Variants in ST6GALNAC5 observed in about 807,000 individuals in gnomAD.
ST6GALNAC5 encodes the protein alpha-N-acetylgalactosaminide alpha-2,6-sialyltransferase 5.
In ST6GALNAC5, 27 loss-of-function variants were observed where a neutral mutation model predicts 33.6. That is an observed-to-expected ratio of 0.80 (90% CI 0.59 to 1.11). ST6GALNAC5 has a LOEUF of 1.11. Ranked by LOEUF, ST6GALNAC5 falls within the 50% of genes least tolerant of loss-of-function variation. ST6GALNAC5 has a pLI of 0.00. For synonymous variants in ST6GALNAC5, 194 were observed against 171.2 expected (o/e 1.13, Z -1.04); for missense variants, 428 against 454.0 (o/e 0.94, Z 0.52).
chr1:77,008,124 T>A (rs1650497108), intron 2 of ST6GALNAC5, among the ~76,000 whole-genome samples: 1 of 152,332 alleles, frequency 6.6e-6, no homozygotes, highest in East Asian at 1.9e-4. Context: ...ATGTCATCAG[T>A]ACCTGGAGAT....
rs115784656 is a variant in ST6GALNAC5, at chr1:76,986,986, G to A, written c.262-57218G>A. 4.5e-3 allele frequency among the ~76,000 whole-genome samples: 688 copies of A among 152,198 alleles called. 7 individuals are homozygous for A. Among genetic ancestry groups the A allele is most frequent in the African/African-American group, 0.016 (648 of 41,554 alleles). On this transcript the variant is annotated intron_variant, in intron 2 of 4. Transcript: ENST00000477717. ...GAACAATGAGATCAGTTGGACACAG[G>A]GCAAGGGAACATCACACACTGGGGC...
chr1:77,061,560 C>T (rs1053899553), intron 4 of ST6GALNAC5, among the ~76,000 whole-genome samples: 3 of 152,170 alleles, frequency 2.0e-5, no homozygotes, highest in African/African-American at 7.2e-5. Context: ...TTGCAAGATG[C>T]TGGGAAGCCT....
At chr1:77,052,833 G>T (rs139116724) in intron 4 of ST6GALNAC5, among the ~76,000 whole-genome samples, 1 of 149,036 alleles carries the variant, frequency 6.7e-6, no homozygotes, top group African/African-American at 2.5e-5. Context: ...CATGAGAATC[G>T]CTTGAACCTG....
At chr1:76,963,957 T>C (rs1648351150) in intron 2 of ST6GALNAC5, among the ~76,000 whole-genome samples, 2 of 152,084 alleles carry the variant, frequency 1.3e-5, no homozygotes, top group Admixed American at 1.3e-4. Flanking sequence ...AGGAGAATGG[T>C]AAGAGAAATG....
intron 2 of ST6GALNAC5, among the ~76,000 whole-genome samples, chr1:76,925,530 C>T (rs886415131): frequency 1.3e-5 from 2 of 152,172 alleles, no homozygotes; most frequent in South Asian, 2.1e-4. Context: ...GACAGAGGCT[C>T]TCATGGAAAT....
At chr1:76,878,600 G>A in intron 2 of ST6GALNAC5, among the ~76,000 whole-genome samples, 1 of 152,162 alleles carries the variant, frequency 6.6e-6, no homozygotes, top group Non-Finnish European at 1.5e-5. Context: ...AAGAGTCACT[G>A]CATAAATTGT....
At chr1:76,984,366 A>G (rs1349102410) in intron 2 of ST6GALNAC5, among the ~76,000 whole-genome samples, 3 of 152,100 alleles carry the variant, frequency 2.0e-5, no homozygotes. Flanking sequence ...ACAAACTACC[A>G]TCAGAGAATA....
rs781777501 is a variant in ST6GALNAC5, at chr1:77,044,268, G to A, written c.326G>A (p.Arg109Gln). 13 of 1,613,742 alleles carry A rather than the reference G, an allele frequency of 8.1e-6. No homozygotes were observed. The highest frequency in any genetic ancestry group is 8.0e-5 in the African/African-American group (6 of 74,906). The change falls in exon 3 of 5, where the codon CGG (arginine) becomes CAG (glutamine). Residue 109 changes from arginine (R) to glutamine (Q), a missense_variant. Coordinates refer to ENST00000477717, the MANE Select transcript of ST6GALNAC5 (RefSeq NM_030965.3). ...AGCTCAGGGCATCTGCTGCACAGTC[G>A]GCAAGGCTCCCAGATTGACCAGACA... ...VTSSGHLLHS[R>Q]QGSQIDQTEC...
At chr1:76,872,166 T>A (rs1653525258) in intron 2 of ST6GALNAC5, among the ~76,000 whole-genome samples, 1 of 151,576 alleles carries the variant, frequency 6.6e-6, no homozygotes, top group South Asian at 2.1e-4. Flanking sequence ...CCAAGTCTTA[T>A]AGCAGAATGG....
At chr1:77,053,453 T>G (rs1652294444) in intron 4 of ST6GALNAC5, among the ~76,000 whole-genome samples, 1 of 152,138 alleles carries the variant, frequency 6.6e-6, no homozygotes, top group Non-Finnish European at 1.5e-5. Context: ...TTCATAAATA[T>G]CAAGGGAATG....
chr1:76,933,328 G>C (rs1363269940), intron 2 of ST6GALNAC5, among the ~76,000 whole-genome samples: 1 of 151,910 alleles, frequency 6.6e-6, no homozygotes, highest in Non-Finnish European at 1.5e-5. Flanking sequence ...TATCTGCCTG[G>C]TGCTATTCTA....
chr1:77,010,647 G>A (rs1650597171), intron 2 of ST6GALNAC5, among the ~76,000 whole-genome samples: 1 of 143,478 alleles, frequency 7.0e-6, no homozygotes, highest in Non-Finnish European at 1.5e-5. Context: ...ATCTAAATCT[G>A]TGGCACAGGT....
chr1:76,917,792 G>A (rs1317238391), intron 2 of ST6GALNAC5, among the ~76,000 whole-genome samples: 1 of 152,094 alleles, frequency 6.6e-6, no homozygotes, highest in Admixed American at 6.6e-5. Flanking sequence ...TGATACAAAG[G>A]CTAGTAGGCT....
chr1:76,978,030 G>A (rs1336457935), intron 2 of ST6GALNAC5, among the ~76,000 whole-genome samples: 2 of 152,028 alleles, frequency 1.3e-5, no homozygotes, highest in African/African-American at 4.8e-5. Context: ...ACTAGGGTGA[G>A]GTAATAGCTC....
chr1:76,954,606 T>G (rs1172008427), intron 2 of ST6GALNAC5, among the ~76,000 whole-genome samples: 1 of 151,996 alleles, frequency 6.6e-6, no homozygotes, highest in Non-Finnish European at 1.5e-5. Context: ...TATAAGAACA[T>G]AAGGGCCCAG....
intron 2 of ST6GALNAC5, among the ~76,000 whole-genome samples, chr1:76,882,614 GCA>G (rs1653806906): frequency 1.3e-5 from 2 of 152,168 alleles, no homozygotes; most frequent in South Asian, 2.1e-4. Flanking sequence ...CTGGGAAACT[GCA>G]CAGAGTCTGA....
chr1:76,874,794 A>T (rs1250112170), intron 2 of ST6GALNAC5, among the ~76,000 whole-genome samples: 1 of 152,200 alleles, frequency 6.6e-6, no homozygotes, highest in Non-Finnish European at 1.5e-5. Context: ...CCTTCAATCC[A>T]ATCAAGTTGA....
chr1:76,951,436 G>C (rs1426728670), intron 2 of ST6GALNAC5, among the ~76,000 whole-genome samples: 1 of 152,064 alleles, frequency 6.6e-6, no homozygotes, highest in Non-Finnish European at 1.5e-5. Context: ...AGAACACATG[G>C]ACACAGGGAG....
At chr1:76,984,963 C>A (rs1386620135) in intron 2 of ST6GALNAC5, among the ~76,000 whole-genome samples, 1 of 152,174 alleles carries the variant, frequency 6.6e-6, no homozygotes, top group Non-Finnish European at 1.5e-5. Flanking sequence ...CAAAATTCAA[C>A]AGCTTTCTTG....
Sources: gnomAD v4.1 joint callset for allele counts (sites outside exome capture counted in the v4.1 genomes callset) on GRCh38, gnomAD v4.1.1 for gene constraint, MANE v1.5 for transcripts, NCBI Gene and HGNC (gene_info 2026-07-23, HGNC 2026-07-21) for gene names.